Variants in GNAI3 observed in about 807,000 individuals in gnomAD.
GNAI3 encodes the protein G protein subunit alpha i3, also known as guanine nucleotide-binding protein G(i) subunit alpha-3.
Under a neutral mutation model 41.8 loss-of-function variants are expected in GNAI3, and 12 were observed. The observed-to-expected ratio is 0.29, with a 90% CI of 0.18 to 0.47. The LOEUF is 0.47. GNAI3 is among the 20% of genes least tolerant of loss of function. The pLI is 1.00. For synonymous variants in GNAI3, 132 were observed against 146.5 expected, an observed-to-expected ratio of 0.90 and a Z score of 0.71; for missense variants, 360 against 429.6, an observed-to-expected ratio of 0.84 and a Z score of 1.43.
intron 3 of GNAI3, among the ~76,000 whole-genome samples, chr1:109,577,522 G>C (rs564860246): frequency 3.3e-5 from 5 of 151,992 alleles, no homozygotes; most frequent in Non-Finnish European, 1.5e-5. Flanking sequence ...TGATCCACCC[G>C]CCTCGGCCTC....
chr1:109,586,720 C>A lies in GNAI3; in HGVS notation c.721-9C>A. 1 of 1,583,172 alleles carries A rather than the reference C, an allele frequency of 6.3e-7. No individual in the cohort carries two copies. Among genetic ancestry groups the A allele is most frequent in the East Asian group, 2.2e-5 (1 of 44,628 alleles). On this transcript the variant is annotated splice_polypyrimidine_tract_variant and intron_variant, in intron 6 of 8. Transcript: ENST00000369851. Reference sequence around the variant, plus strand: ...GCTACTGACCTATCATCCTTTATTTCTTTTTCAGAACCGAATGCATGAAAG... The same window carrying A: ...GCTACTGACCTATCATCCTTTATTTATTTTTCAGAACCGAATGCATGAAAG...
intron 6 of GNAI3, 101 bp from the exon 7 acceptor site, chr1:109,586,628 A>G (rs1649038985): frequency 1.2e-6 from 1 of 819,312 alleles, no homozygotes. Flanking sequence ...ATTTCCGTGA[A>G]TGCCATTTAG....
intron 3 of GNAI3, among the ~76,000 whole-genome samples, chr1:109,577,278 G>GTTTTTTTTTTTT (rs10690094): frequency 8.0e-6 from 1 of 125,366 alleles, no homozygotes; most frequent in African/African-American, 2.9e-5. Flanking sequence ...TGTTTTTTTT[G>GTTTTTTTTTTTT]TTTTTTTTTT....
rs1303070459 is a variant in GNAI3, at chr1:109,586,322, G to A, written c.697G>A (p.Val233Ile). Residue 233 changes from valine to isoleucine, a missense_variant, in exon 6 of 9, where the codon GTT becomes ATT. By Grantham distance (29) the Val-to-Ile change is conservative. Transcript: ENST00000369851. Reference sequence around the variant, plus strand: ...TGTGGCCCTCAGTGATTATGACCTTGTTCTGGCTGAGGACGAGGAGATGGT... The same window carrying A: ...TGTGGCCCTCAGTGATTATGACCTTATTCTGGCTGAGGACGAGGAGATGGT... ...FCVALSDYDL[V>I]LAEDEEMNRM... The A allele has an allele frequency of 6.2e-7, 1 of 1,612,478 alleles. No individual in the cohort carries two copies. Among genetic ancestry groups the A allele is most frequent in the South Asian group, 1.1e-5 (1 of 90,928 alleles).
intron 1 of GNAI3, among the ~76,000 whole-genome samples, chr1:109,567,614 G>T (rs939143185): frequency 3.3e-5 from 5 of 152,116 alleles, no homozygotes; most frequent in African/African-American, 1.2e-4. Context: ...TTCTATCTAG[G>T]ATTTTATTAT....
At chr1:109,571,882 C>T (rs144376234) in intron 1 of GNAI3, among the ~76,000 whole-genome samples, 3,426 of 151,984 alleles carry the variant, frequency 0.023, 82 homozygotes, top group Non-Finnish European at 0.031. Context: ...TGCGCCACTG[C>T]ACTCCAGCCT....
At chr1:109,550,608 A>C (rs1390679594) in intron 1 of GNAI3, among the ~76,000 whole-genome samples, 2 of 150,478 alleles carry the variant, frequency 1.3e-5, no homozygotes, top group African/African-American at 2.5e-5. Flanking sequence ...ATCTCGTCTC[A>C]CTGCAACCTC....
chr1:109,571,965 A>T (rs187057292), intron 1 of GNAI3, among the ~76,000 whole-genome samples: 230 of 152,144 alleles, frequency 1.5e-3, no homozygotes, highest in African/African-American at 5.5e-3. Flanking sequence ...ATGAGTTTAG[A>T]TAGGGAAAAG....
intron 1 of GNAI3, among the ~76,000 whole-genome samples, chr1:109,554,765 G>A (rs1460105846): frequency 6.6e-6 from 1 of 151,938 alleles, no homozygotes; most frequent in Non-Finnish European, 1.5e-5. Context: ...TGGGTTCTTG[G>A]TTGTGAAGTC....
At chr1:109,586,936 C>T in intron 7 of GNAI3, 54 bp downstream of exon 7, 2 of 1,199,894 alleles carry the variant, frequency 1.7e-6, no homozygotes, top group South Asian at 1.3e-5. Context: ...TAGATCAACA[C>T]TTTGGTGGCA....
At position 109,586,933 on chromosome 1, in the gene GNAI3, A is replaced by G. The variant is rs574377318; in HGVS notation, c.874+51A>G. ...GGAGGTACACATCTTACTTAGATCA[A>G]CACTTTGGTGGCATTCATAAAACTG... On this transcript the variant is annotated intron_variant, in intron 7 of 8. Transcript: ENST00000369851. 4 of 1,261,780 alleles carry G rather than the reference A, an allele frequency of 3.2e-6. No homozygotes were observed. In the African/African-American group the frequency reaches 4.5e-5, roughly 14 times the overall value. 78.2% of individuals were successfully genotyped at this position (1,261,780 alleles called of 1,614,324 possible).
rs144431312 is a variant in GNAI3, at chr1:109,548,665, C to A, written c.-56C>A. The A allele has an allele frequency of 8.7e-3, 11,037 of 1,268,284 alleles. 176 individuals are homozygous for A. Among genetic ancestry groups the A allele is most frequent in the South Asian group, 0.05 (4,084 of 82,344 alleles). 78.6% of individuals were successfully genotyped at this position (1,268,284 alleles called of 1,614,324 possible). A position where few individuals can be genotyped will look rare whatever the true frequency, so the allele number is the denominator to read the frequency against. ...TAGACGGTGCCTCAGCCTGCCGAGC[C>A]GCAGTTTCCGTGGTGTGAGTGAGTC... is the stretch of plus-strand genomic sequence containing the variant. On this transcript the variant is annotated 5_prime_UTR_variant, in exon 1 of 9. Coordinates refer to ENST00000369851, the MANE Select transcript of GNAI3 (RefSeq NM_006496.4).
rs200677276 is a variant in GNAI3, at chr1:109,553,134, C to T, written c.118+4296C>T. Among the ~76,000 whole-genome samples the T allele has an allele frequency of 2.1e-4, 32 of 152,106 alleles. No homozygotes were observed. In the East Asian group the frequency reaches 5.8e-3, roughly 27 times the overall value. On this transcript the variant is annotated intron_variant, in intron 1 of 8. Coordinates refer to ENST00000369851, the MANE Select transcript of GNAI3 (RefSeq NM_006496.4). ...CTTTTTTCAGAGGTTTTTCAGACAGCTGTTTTATTATTTTTCATATTAATA... is the reference window on the plus strand; with the variant it reads ...CTTTTTTCAGAGGTTTTTCAGACAGTTGTTTTATTATTTTTCATATTAATA...
chr1:109,591,779 A>G (rs1649179159), intron 7 of GNAI3: 1 of 382,784 alleles, frequency 2.6e-6, no homozygotes, highest in African/African-American at 2.1e-5. Context: ...TTTTAGCTGA[A>G]AAGTCTAAAT....
intron 3 of GNAI3, among the ~76,000 whole-genome samples, chr1:109,577,316 G>A (rs1220522207): frequency 1.4e-5 from 2 of 138,712 alleles, no homozygotes; most frequent in Non-Finnish European, 3.0e-5. Context: ...TTGCTCTGTC[G>A]CCCAGGCTAG....
At position 109,573,705 on chromosome 1, in the gene GNAI3, G is replaced by T. The variant is rs138458321; in HGVS notation, c.119-32G>T. The stretch of plus-strand genomic sequence containing the variant: ...ATTATACTTTTATGTTGATTACCGA[G>T]AAATTCAAAGTCTGGTTTTCTTTTC... On this transcript the variant is annotated intron_variant, in intron 1 of 8. Transcript: ENST00000369851. The T allele has an allele frequency of 3.7e-5, 58 of 1,553,388 alleles. No homozygotes were observed. In the East Asian group the frequency reaches 6.5e-4, roughly 17 times the overall value.
intron 1 of GNAI3, among the ~76,000 whole-genome samples, chr1:109,570,200 C>T (rs552031481): frequency 2.2e-4 from 34 of 152,030 alleles, no homozygotes; most frequent in Admixed American, 3.9e-4. Context: ...CCCTGATTAT[C>T]GATTATGTAA....
chr1:109,568,711 G>A (rs960609342), intron 1 of GNAI3, among the ~76,000 whole-genome samples: 18 of 152,126 alleles, frequency 1.2e-4, no homozygotes, highest in Non-Finnish European at 2.2e-4. Flanking sequence ...CCAGAACAAG[G>A]TCTTGCTCTG....
chr1:109,575,776 C>T lies in GNAI3; in HGVS notation c.303+1739C>T, dbSNP rs543670153. 1.2e-4 allele frequency among the ~76,000 whole-genome samples: 18 copies of T among 152,026 alleles called. No homozygotes were observed. The South Asian group carries it at 2.1e-3, about 18-fold the overall frequency. On this transcript the variant is annotated intron_variant, in intron 3 of 8. Transcript: ENST00000369851. ...CGAACTCCTGACCTTGTGATCCGCC[C>T]GCCTCGGCCTCCCAAAGTGCTGGGA...
Sources: gnomAD v4.1 joint callset for allele counts (sites outside exome capture counted in the v4.1 genomes callset) on GRCh38, gnomAD v4.1.1 for gene constraint, MANE v1.5 for transcripts, NCBI Gene and HGNC (gene_info 2026-07-23, HGNC 2026-07-21) for gene names.